DYM: variants seen among roughly 807,000 people sequenced by gnomAD.
DYM encodes dymeclin.
A neutral mutation model predicts 93.1 loss-of-function variants in DYM; 78 were observed. The observed-to-expected ratio is 0.84, with a 90% CI of 0.70 to 1.01. DYM has a LOEUF of 1.01. Ranked by LOEUF, DYM falls within the 50% of genes least tolerant of loss-of-function variation. DYM has a pLI of 0.00. For synonymous variants in DYM, 321 were observed against 319.7 expected, an observed-to-expected ratio of 1.00 and a Z score of -0.04; for missense variants, 789 against 845.0, an observed-to-expected ratio of 0.93 and a Z score of 0.82.
intron 15 of DYM, among the ~76,000 whole-genome samples, chr18:49,119,719 C>G (rs1288626930): frequency 2.0e-5 from 3 of 152,158 alleles, no homozygotes; most frequent in Non-Finnish European, 4.4e-5. Flanking sequence ...AATATCAACA[C>G]TACTAGACTG....
intron 14 of DYM, among the ~76,000 whole-genome samples, chr18:49,181,857 TG>T (rs1375422904): frequency 6.6e-6 from 1 of 152,136 alleles, no homozygotes; most frequent in East Asian, 1.9e-4. Flanking sequence ...GGGCTTAATT[TG>T]TTGTTCTTTT....
intron 3 of DYM, among the ~76,000 whole-genome samples, chr18:49,386,554 G>A (rs2068644798): frequency 2.0e-5 from 3 of 152,022 alleles, no homozygotes. Context: ...GGAACGTTTT[G>A]GAAAATACCC....
chr18:49,103,755 T>C (rs1321455352), intron 16 of DYM, among the ~76,000 whole-genome samples: 1 of 152,246 alleles, frequency 6.6e-6, no homozygotes, highest in Non-Finnish European at 1.5e-5. Flanking sequence ...GGCTCTGTTC[T>C]GTTCCATTGG....
At chr18:49,162,656 G>A (rs925565153) in intron 15 of DYM, among the ~76,000 whole-genome samples, 41 of 152,166 alleles carry the variant, frequency 2.7e-4, no homozygotes, top group African/African-American at 9.4e-4. Context: ...TAAACTCTTC[G>A]TCATTAAGGT....
intron 1 of DYM, among the ~76,000 whole-genome samples, chr18:49,455,515 A>G (rs1488092877): frequency 6.6e-6 from 1 of 152,250 alleles, no homozygotes; most frequent in East Asian, 1.9e-4. Flanking sequence ...TATAAAGTAT[A>G]TATTAGTCCC....
At chr18:49,298,216 C>T (rs2060680572) in intron 8 of DYM, among the ~76,000 whole-genome samples, 1 of 152,030 alleles carries the variant, frequency 6.6e-6, no homozygotes, top group Non-Finnish European at 1.5e-5. Context: ...AACACATGGG[C>T]GAACAAAGAA....
chr18:49,187,383 A>G (rs2145609307), intron 14 of DYM, among the ~76,000 whole-genome samples: 1 of 152,354 alleles, frequency 6.6e-6, no homozygotes, highest in South Asian at 2.1e-4. Context: ...AGTAATAAAT[A>G]AACAAAATAG....
intron 6 of DYM, among the ~76,000 whole-genome samples, chr18:49,362,185 G>A (rs1219161300): frequency 6.6e-6 from 1 of 151,920 alleles, no homozygotes; most frequent in Non-Finnish European, 1.5e-5. Context: ...TTTTAAAGGT[G>A]GAGAATCACT....
intron 14 of DYM, among the ~76,000 whole-genome samples, chr18:49,172,537 C>G (rs569305906): frequency 7.9e-5 from 12 of 152,222 alleles, no homozygotes; most frequent in African/African-American, 2.6e-4. Flanking sequence ...TTTTCTAGTG[C>G]TCATATGTTG....
chr18:49,360,376 G>C lies in DYM; in HGVS notation c.494+2785C>G, dbSNP rs72642457. Among the ~76,000 whole-genome samples, 664 of 151,648 alleles carry C rather than the reference G, an allele frequency of 4.4e-3. 27 individuals carry two copies. In the East Asian group the frequency reaches 0.087, roughly 20 times the overall value. On this transcript the variant is annotated intron_variant, in intron 6 of 17. Coordinates refer to ENST00000675505, the MANE Select transcript of DYM (RefSeq NM_001353214.3). ...GTGGTGGCTCATGCCTGTAATCCCA[G>C]AACTTTGGGAGGCCGAGGCGGGCAG...
In DYM at chr18:49,192,095, A is replaced by AT. The variant is rs55967928; in HGVS notation, c.1625+17455dup. On this transcript the variant is annotated intron_variant, in intron 14 of 17. Coordinates refer to ENST00000675505, the MANE Select transcript of DYM (RefSeq NM_001353214.3). ...ACATATGTGCCACCATGCCTGGCTA[A>AT]TTTTTTTTTTTTTTTTTTTTTTTTT... 9.1e-3 allele frequency among the ~76,000 whole-genome samples: 621 copies of AT among 68,338 alleles called. 18 individuals are homozygous for AT. The highest frequency in any genetic ancestry group is 0.035 in the East Asian group (85 of 2,426). The allele number at this position is 68,338 out of a possible 152,430, so 44.8% of individuals were successfully genotyped here.
rs543967619 is a variant in DYM, at chr18:49,377,153, T to C, written c.421+1414A>G. Among the ~76,000 whole-genome samples, 6 of 152,382 alleles carry C rather than the reference T, an allele frequency of 3.9e-5. No individual in the cohort carries two copies. In the East Asian group the frequency reaches 1.2e-3, roughly 29 times the overall value. On this transcript the variant is annotated intron_variant, in intron 5 of 17. Coordinates refer to ENST00000675505, the MANE Select transcript of DYM (RefSeq NM_001353214.3). ...AATACCTTAATACATTTAAATGATA[T>C]AACCAGAATTTCCATAAGATTTTTG...
At chr18:49,176,623 C>A (rs888369763) in intron 14 of DYM, among the ~76,000 whole-genome samples, 1 of 148,628 alleles carries the variant, frequency 6.7e-6, no homozygotes, top group Non-Finnish European at 1.5e-5. Context: ...CCTTGTTGCC[C>A]GCACTGGTCT....
At chr18:49,415,715 G>T (rs1029773803) in intron 2 of DYM, among the ~76,000 whole-genome samples, 3 of 151,888 alleles carry the variant, frequency 2.0e-5, no homozygotes, top group African/African-American at 7.3e-5. Flanking sequence ...ATTGCTTGAG[G>T]CCAGGAGTTC....
rs540747580 is a variant in DYM at position 49,259,581 on chromosome 18, T to C, written c.1252-1088A>G. On this transcript the variant is annotated intron_variant, in intron 11 of 17. Coordinates refer to ENST00000675505, the MANE Select transcript of DYM (RefSeq NM_001353214.3). ...ATTCAAACAAATCAACTCTAGAAGA[T>C]ATTTTAAAGATAACTGGAAATAATA... Among the ~76,000 whole-genome samples, 12 of 152,344 alleles carry C rather than the reference T, an allele frequency of 7.9e-5. No homozygotes were observed. In the South Asian group the frequency reaches 2.5e-3, roughly 32 times the overall value.
chr18:49,177,934 T>C (rs982927062), intron 14 of DYM, among the ~76,000 whole-genome samples: 4 of 151,972 alleles, frequency 2.6e-5, no homozygotes, highest in African/African-American at 9.7e-5. Flanking sequence ...CTAAAACTAC[T>C]TTTTAGAAAA....
At chr18:49,265,583 A>G (rs2094556277) in intron 11 of DYM, among the ~76,000 whole-genome samples, 1 of 151,978 alleles carries the variant, frequency 6.6e-6, no homozygotes, top group Non-Finnish European at 1.5e-5. Context: ...GTTCGAGACT[A>G]GCCTGACCAA....
intron 1 of DYM, among the ~76,000 whole-genome samples, chr18:49,441,786 C>A (rs898029055): frequency 6.6e-6 from 1 of 151,922 alleles, no homozygotes; most frequent in African/African-American, 2.4e-5. Context: ...GGCTAAAGAG[C>A]GAGAGACAGG....
Position 49,069,770 on chromosome 18 carries a change from T to C in DYM, c.2026-25566A>G, listed in dbSNP as rs375991088. Among the ~76,000 whole-genome samples the C allele has an allele frequency of 1.9e-4, 29 of 152,292 alleles. 1 individual carries two copies. The East Asian group carries it at 2.5e-3, about 13-fold the overall frequency. On this transcript the variant is annotated intron_variant, in intron 17 of 17. Transcript: ENST00000675505. ...TTAAAACTGTGTATTGGGCCAGGCA[T>C]GGTGGCTCACGCCTGTAATCCCAGC...
Sources: gnomAD v4.1 joint callset for allele counts (sites outside exome capture counted in the v4.1 genomes callset) on GRCh38, gnomAD v4.1.1 for gene constraint, MANE v1.5 for transcripts, NCBI Gene and HGNC (gene_info 2026-07-23, HGNC 2026-07-21) for gene names.